The following PTPRD variants were observed in gnomAD, a reference collection of about 807,000 sequenced individuals.
PTPRD encodes receptor-type tyrosine-protein phosphatase delta.
In PTPRD, 34 loss-of-function variants were observed where a neutral mutation model predicts 214.5. That is an observed-to-expected ratio of 0.16 (90% CI 0.12 to 0.21). The LOEUF (loss-of-function observed/expected upper bound fraction) is 0.21. Among genes scored for constraint, PTPRD ranks in the 10% least tolerant of loss-of-function variants. The pLI is 1.00. For synonymous variants in PTPRD, 1,128 were observed against 845.7 expected, an observed-to-expected ratio of 1.33 and a Z score of -5.79; for missense variants, 2,545 against 2,398.7, an observed-to-expected ratio of 1.06 and a Z score of -1.27.
intron 11 of PTPRD, among the ~76,000 whole-genome samples, chr9:8,949,641 G>C (rs1439321770): frequency 6.6e-6 from 1 of 152,026 alleles, no homozygotes; most frequent in Non-Finnish European, 1.5e-5. Context: ...CAAGAGGTTT[G>C]GTTCTCATTA....
intron 14 of PTPRD, among the ~76,000 whole-genome samples, chr9:8,598,846 C>T (rs2094625428): frequency 6.6e-6 from 1 of 152,130 alleles, no homozygotes; most frequent in South Asian, 2.1e-4. Flanking sequence ...AATCATTAAT[C>T]CCAAGTCTAG....
intron 3 of PTPRD, among the ~76,000 whole-genome samples, chr9:10,268,018 T>C (rs576190389): frequency 3.3e-5 from 5 of 151,816 alleles, no homozygotes; most frequent in African/African-American, 1.2e-4. Flanking sequence ...TGGTAGCTCA[T>C]CCCTATAATC....
At chr9:10,522,862 A>G (rs1365714746) in intron 2 of PTPRD, among the ~76,000 whole-genome samples, 6 of 152,086 alleles carry the variant, frequency 3.9e-5, no homozygotes, top group African/African-American at 1.4e-4. Context: ...AGAAATATTA[A>G]TTATTTTATA....
intron 6 of PTPRD, among the ~76,000 whole-genome samples, chr9:9,751,355 T>C (rs2098517378): frequency 6.6e-6 from 1 of 152,094 alleles, no homozygotes; most frequent in Non-Finnish European, 1.5e-5. Context: ...ACTTCACCAC[T>C]GACTGGGTTT....
chr9:9,994,173 CT>C (rs2096047514), intron 4 of PTPRD, among the ~76,000 whole-genome samples: 2 of 152,150 alleles, frequency 1.3e-5, no homozygotes, highest in South Asian at 4.1e-4. Flanking sequence ...AACCACGGAC[CT>C]AATCTGTTGC....
intron 2 of PTPRD, among the ~76,000 whole-genome samples, chr9:10,347,139 C>G (rs1330616446): frequency 6.6e-6 from 1 of 152,160 alleles, no homozygotes; most frequent in Non-Finnish European, 1.5e-5. Flanking sequence ...ACCCAGTTGT[C>G]TTTCTCTACT....
chr9:8,731,220 G>C (rs544808638), intron 12 of PTPRD, among the ~76,000 whole-genome samples: 1 of 152,178 alleles, frequency 6.6e-6, no homozygotes, highest in African/African-American at 2.4e-5. Context: ...GAGTGAGTTG[G>C]ACACATTAAA....
At chr9:9,151,661 G>C (rs891888682) in intron 10 of PTPRD, among the ~76,000 whole-genome samples, 9 of 152,138 alleles carry the variant, frequency 5.9e-5, no homozygotes, top group African/African-American at 9.7e-5. Context: ...GGCTATTGTA[G>C]ACTACGTTTT....
At chr9:8,791,262 G>A (rs546271737) in intron 11 of PTPRD, among the ~76,000 whole-genome samples, 2 of 152,014 alleles carry the variant, frequency 1.3e-5, no homozygotes, top group African/African-American at 4.8e-5. Context: ...GTCTCGCTCT[G>A]TTGCCCAGGC....
At chr9:10,276,904 A>G (rs2094725751) in intron 3 of PTPRD, among the ~76,000 whole-genome samples, 1 of 152,220 alleles carries the variant, frequency 6.6e-6, no homozygotes, top group Non-Finnish European at 1.5e-5. Context: ...AAAGTTTGGT[A>G]CAATCAGAAT....
intron 14 of PTPRD, among the ~76,000 whole-genome samples, chr9:8,535,795 C>T (rs1204387142): frequency 1.3e-5 from 2 of 151,866 alleles, no homozygotes; most frequent in Admixed American, 6.6e-5. Context: ...TCAAGAAACA[C>T]CTCTGTACAA....
At chr9:8,836,806 C>T (rs2097435034) in intron 11 of PTPRD, among the ~76,000 whole-genome samples, 1 of 151,438 alleles carries the variant, frequency 6.6e-6, no homozygotes, top group African/African-American at 2.4e-5. Context: ...CCATGTTGGC[C>T]AGGATGGTCT....
chr9:8,430,315 G>A (rs1227983326), intron 35 of PTPRD, among the ~76,000 whole-genome samples: 1 of 151,540 alleles, frequency 6.6e-6, no homozygotes, highest in Non-Finnish European at 1.5e-5. Flanking sequence ...TGTCACCCAG[G>A]CTGCAGTGCA....
chr9:10,455,793 A>T (rs923962666), intron 2 of PTPRD, among the ~76,000 whole-genome samples: 1 of 151,666 alleles, frequency 6.6e-6, no homozygotes, highest in South Asian at 2.1e-4. Flanking sequence ...TCATTTATTT[A>T]TAAGGAAAAA....
intron 8 of PTPRD, among the ~76,000 whole-genome samples, chr9:9,416,725 T>C (rs2077102863): frequency 6.6e-6 from 1 of 152,186 alleles, no homozygotes; most frequent in Admixed American, 6.5e-5. Flanking sequence ...CAATCTATTG[T>C]TGTTCTACCC....
chr9:9,808,648 C>T (rs1173428788), intron 5 of PTPRD, among the ~76,000 whole-genome samples: 1 of 152,090 alleles, frequency 6.6e-6, no homozygotes, highest in African/African-American at 2.4e-5. Context: ...TAAATAAAAT[C>T]GTTTAAAAGA....
At chr9:9,001,336 C>G (rs1051601926) in intron 11 of PTPRD, among the ~76,000 whole-genome samples, 1 of 151,966 alleles carries the variant, frequency 6.6e-6, no homozygotes, top group African/African-American at 2.4e-5. Flanking sequence ...TACTTTTCGT[C>G]TTGTATGGAT....
intron 43 of PTPRD, among the ~76,000 whole-genome samples, chr9:8,335,991 C>T (rs1387944567): frequency 1.3e-5 from 2 of 152,058 alleles, no homozygotes; most frequent in Admixed American, 1.3e-4. Context: ...ATTCCATGCT[C>T]ACGGATAGGA....
chr9:9,911,534 T>G (rs1199071944), intron 5 of PTPRD, among the ~76,000 whole-genome samples: 1 of 152,108 alleles, frequency 6.6e-6, no homozygotes, highest in African/African-American at 2.4e-5. Context: ...ACTGCTAAAA[T>G]AAAATGCAGT....
Sources: gnomAD v4.1 joint callset for allele counts (sites outside exome capture counted in the v4.1 genomes callset) on GRCh38, gnomAD v4.1.1 for gene constraint, MANE v1.5 for transcripts, NCBI Gene and HGNC (gene_info 2026-07-23, HGNC 2026-07-21) for gene names.